The following UNC13C variants were observed in gnomAD, a reference collection of about 807,000 sequenced individuals.
UNC13C encodes protein unc-13 homolog C.
UNC13C carries 174 observed loss-of-function variants against 245.4 expected under a neutral mutation model. That is an observed-to-expected ratio of 0.71 (90% CI 0.63 to 0.80). UNC13C has a LOEUF of 0.80. Among genes scored for constraint, UNC13C ranks in the 30% least tolerant of loss-of-function variants. The pLI is 0.00. For missense variants in UNC13C, 2,829 were observed against 2,602.9 expected (o/e 1.09, Z -1.89); for synonymous variants, 992 against 895.1 (o/e 1.11, Z -1.93).
Position 54,270,899 on chromosome 15 carries a change from T to C in UNC13C, c.3818+5403T>C, listed in dbSNP as rs189454437. 2.5e-4 allele frequency among the ~76,000 whole-genome samples: 38 copies of C among 152,166 alleles called. No homozygotes were observed. The East Asian group carries it at 5.4e-3, about 22-fold the overall frequency. ...TTCCCCCTACATCCAAACTCTTCAC[T>C]TGAAAAATTGCTGCAGACCTAAACA... On this transcript the variant is annotated intron_variant, in intron 10 of 32. Transcript: ENST00000260323.
chr15:54,446,381 A>G (rs899171791), intron 19 of UNC13C, among the ~76,000 whole-genome samples: 146 of 152,226 alleles, frequency 9.6e-4, no homozygotes, highest in African/African-American at 3.2e-3. Flanking sequence ...AAATTACCTT[A>G]GGCAGTATGG....
At chr15:54,010,729 C>A (rs766150108) in intron 1 of UNC13C, among the ~76,000 whole-genome samples, 1 of 151,992 alleles carries the variant, frequency 6.6e-6, no homozygotes, top group Non-Finnish European at 1.5e-5. Context: ...AGGAAGACCA[C>A]GTCGGATACA....
intron 20 of UNC13C, among the ~76,000 whole-genome samples, chr15:54,497,818 A>G (rs1894023960): frequency 6.6e-6 from 1 of 152,158 alleles, no homozygotes; most frequent in African/African-American, 2.4e-5. Flanking sequence ...GAAAGAAGGA[A>G]CATTATAAAC....
chr15:53,985,184 G>A (rs1699810020), intron 1 of UNC13C, among the ~76,000 whole-genome samples: 1 of 151,968 alleles, frequency 6.6e-6, no homozygotes, highest in Non-Finnish European at 1.5e-5. Context: ...ACTTATGAGT[G>A]AGAGCATGTG....
chr15:54,230,813 G>C (rs2035530779), intron 4 of UNC13C, among the ~76,000 whole-genome samples: 1 of 152,054 alleles, frequency 6.6e-6, no homozygotes, highest in African/African-American at 2.4e-5. Flanking sequence ...GATTTAATCA[G>C]CCCACATTGC....
chr15:53,853,937 T>A, the UNC13C span, among the ~76,000 whole-genome samples: 1 of 152,172 alleles, frequency 6.6e-6, no homozygotes, highest in South Asian at 2.1e-4. Flanking sequence ...TCTCCCATTC[T>A]GTAAATTGTC....
At chr15:54,128,957 C>T (rs1485857564) in intron 2 of UNC13C, among the ~76,000 whole-genome samples, 1 of 152,196 alleles carries the variant, frequency 6.6e-6, no homozygotes, top group Admixed American at 6.5e-5. Context: ...AATCTGATTC[C>T]ACATTCCTCC....
At chr15:54,144,331 GT>G (rs35843960) in intron 4 of UNC13C, among the ~76,000 whole-genome samples, 142,132 of 148,662 alleles carry the variant, frequency 0.96, 68,237 homozygotes, top group East Asian at 1. Flanking sequence ...TTGCATCGTG[GT>G]TTTTTTTTTT....
chr15:54,580,857 G>A (rs1898167696), intron 30 of UNC13C, among the ~76,000 whole-genome samples: 1 of 152,166 alleles, frequency 6.6e-6, no homozygotes, highest in African/African-American at 2.4e-5. Context: ...GGCTCTTGGA[G>A]TGACTGAGAG....
the UNC13C span, among the ~76,000 whole-genome samples, chr15:53,842,015 T>G: frequency 6.6e-6 from 1 of 152,294 alleles, no homozygotes; most frequent in Admixed American, 6.5e-5. Context: ...CATTAAGATG[T>G]TGATGTCTTT....
In UNC13C at chr15:54,183,109, A is replaced by G. The variant is rs569545475; in HGVS notation, c.3071+39425A>G. 4.7e-4 allele frequency among the ~76,000 whole-genome samples: 72 copies of G among 152,074 alleles called. 2 individuals carry two copies. The highest frequency in any genetic ancestry group is 2.7e-3 in the South Asian group (13 of 4,818). On this transcript the variant is annotated intron_variant, in intron 4 of 32. Transcript: ENST00000260323. ...AAAATAAAAACATTTTACAAACCCGAAAGAAGTTAAAAAAGGTGAAATAGG... is the reference window on the plus strand; with the variant it reads ...AAAATAAAAACATTTTACAAACCCGGAAGAAGTTAAAAAAGGTGAAATAGG...
chr15:54,585,013 C>A (rs758729614), intron 30 of UNC13C, among the ~76,000 whole-genome samples: 1 of 152,194 alleles, frequency 6.6e-6, no homozygotes, highest in Non-Finnish European at 1.5e-5. Context: ...ACTTTTGATT[C>A]CCCATCACCA....
chr15:54,083,180 C>A (rs1899047129), intron 2 of UNC13C, among the ~76,000 whole-genome samples: 1 of 152,072 alleles, frequency 6.6e-6, no homozygotes, highest in African/African-American at 2.4e-5. Context: ...TTGTCCTGAG[C>A]AGCCAGGAAC....
the UNC13C span, among the ~76,000 whole-genome samples, chr15:53,879,507 A>G: frequency 1.3e-5 from 2 of 152,174 alleles, no homozygotes; most frequent in African/African-American, 4.8e-5. Flanking sequence ...AATAGTATTT[A>G]TGTTAATTGT....
chr15:53,968,266 C>T, the UNC13C span: 5 of 152,168 alleles, frequency 3.3e-5, no homozygotes, highest in South Asian at 2.1e-4. Flanking sequence ...AGGCAACCCC[C>T]GTGGGTTCAG....
rs1034395231 is a variant in UNC13C at position 54,462,296 on chromosome 15, G to A, written c.4934-32312G>A. 2.6e-5 allele frequency among the ~76,000 whole-genome samples: 4 copies of A among 152,242 alleles called. No homozygotes were observed. The East Asian group carries it at 5.8e-4, about 22-fold the overall frequency. ...GGGAGTGAAATTGAGAGGTGACAAT[G>A]TGCTGGTGGCCCTCATTCGCTCTCA... On this transcript the variant is annotated intron_variant, in intron 19 of 32. Transcript: ENST00000260323.
rs557373357 is a variant in UNC13C, at chr15:54,316,291, T to C, written c.4269-5648T>C. On this transcript the variant is annotated intron_variant, in intron 13 of 32. Coordinates refer to ENST00000260323, the MANE Select transcript of UNC13C (RefSeq NM_001080534.3). ...GGAAATTTGTGCTCTGTTAACCTAA[T>C]ATTGCTGGAGTTCACTTTACACAAT... is the stretch of plus-strand genomic sequence containing the variant. Among the ~76,000 whole-genome samples, 6 of 152,028 alleles carry C rather than the reference T, an allele frequency of 3.9e-5. No homozygotes were observed. The East Asian group carries it at 1.2e-3, about 30-fold the overall frequency.
chr15:54,457,665 A>C (rs1355249034), intron 19 of UNC13C, among the ~76,000 whole-genome samples: 1 of 152,010 alleles, frequency 6.6e-6, no homozygotes, highest in Non-Finnish European at 1.5e-5. Flanking sequence ...GTGTGCATAT[A>C]GGTGTTCAAA....
intron 19 of UNC13C, among the ~76,000 whole-genome samples, chr15:54,482,836 T>A (rs1367259496): frequency 1.3e-5 from 2 of 152,370 alleles, no homozygotes; most frequent in African/African-American, 4.8e-5. Flanking sequence ...CATTAAATTG[T>A]CATTTCTTTA....
Sources: allele counts gnomAD v4.1 joint callset (sites outside exome capture counted in the v4.1 genomes callset), GRCh38; gene constraint gnomAD v4.1.1; transcripts MANE v1.5; gene names NCBI Gene and HGNC (gene_info 2026-07-23, HGNC 2026-07-21).